The following FMO1 variants were observed in gnomAD, a reference collection of about 807,000 sequenced individuals.
FMO1 encodes the protein flavin-containing monooxygenase 1.
Under a neutral mutation model 45.4 loss-of-function variants are expected in FMO1, and 36 were observed. The observed-to-expected ratio is 0.79, with a 90% confidence interval of 0.61 to 1.05. FMO1 has a LOEUF of 1.05. FMO1 is among the 50% of genes least tolerant of loss of function. The pLI is 0.00. For missense variants in FMO1, 615 were observed against 640.3 expected (o/e 0.96, Z 0.43); for synonymous variants, 228 against 227.2 (o/e 1.00, Z -0.03).
intron 2 of FMO1, among the ~76,000 whole-genome samples, chr1:171,262,713 T>C (rs1660426516): frequency 6.6e-6 from 1 of 152,252 alleles, no homozygotes; most frequent in South Asian, 2.1e-4. Context: ...CGTCTATTCG[T>C]ATATTCAATA....
chr1:171,256,114 A>C (rs954233111), intron 1 of FMO1, among the ~76,000 whole-genome samples: 8 of 151,958 alleles, frequency 5.3e-5, no homozygotes, highest in African/African-American at 1.9e-4. Context: ...TCTACTAAAA[A>C]TACAAAAAAT....
Position 171,282,077 on chromosome 1 carries a change from C to T in FMO1, c.927C>T (p.Asn309=). Residue 309 remains asparagine (N), a synonymous_variant, in exon 7 of 9, where the codon AAC becomes AAT. Coordinates refer to ENST00000617670, the MANE Select transcript of FMO1 (RefSeq NM_001282693.2). The part of the protein sequence containing the change: ...IRPSIKEVKE[N]SVIFNNTSKE... ...CAAGCATAAAAGAGGTAAAGGAAAA[C>T]TCTGTCATATTTAACAATACTTCAA... 4.3e-6 allele frequency: 7 copies of T among 1,613,568 alleles called. No homozygotes were observed. Among genetic ancestry groups the T allele is most frequent in the Non-Finnish European group, 5.9e-6 (7 of 1,179,578 alleles).
In FMO1 at chr1:171,267,654, G is replaced by A; in HGVS notation, c.244G>A (p.Val82Met). Residue 82 changes from valine (V) to methionine (M), a missense_variant, in exon 3 of 9, where the codon GTG becomes ATG. Transcript: ENST00000617670. ...FPFPEDYPNY[V>M]PNSQFLEYLK... The stretch of plus-strand genomic sequence containing the variant: ...ATTCCCAGAAGATTATCCAAACTAT[G>A]TGCCAAATTCTCAATTCCTGGAATA... 3 of 1,614,062 alleles carry A rather than the reference G, an allele frequency of 1.9e-6. No individual in the cohort carries two copies. The highest frequency in any genetic ancestry group is 2.5e-6 in the Non-Finnish European group (3 of 1,179,936).
At chr1:171,262,144 GAGA>G (rs1411744221) in intron 2 of FMO1, among the ~76,000 whole-genome samples, 5 of 152,158 alleles carry the variant, frequency 3.3e-5, no homozygotes, top group African/African-American at 1.2e-4. Context: ...TAGAAAAATA[GAGA>G]AGGTCAGCCA....
rs72417662 is a variant in FMO1, at chr1:171,249,686, A to AGT, written c.-7+1078_-7+1079dup. Reference sequence around the variant, plus strand: ...GTATTTTCATGCACTAAGGTGTAGGAGTGTGTGTGTGTGTGTATGTGTGTG... The same window carrying AGT: ...GTATTTTCATGCACTAAGGTGTAGGAGTGTGTGTGTGTGTGTGTATGTGTGTG... On this transcript the variant is annotated intron_variant, in intron 1 of 8. Coordinates refer to ENST00000617670, the MANE Select transcript of FMO1 (RefSeq NM_001282693.2). Among the ~76,000 whole-genome samples the AGT allele has an allele frequency of 5.6e-3, 840 of 150,718 alleles. 2 individuals carry two copies. Among genetic ancestry groups the AGT allele is most frequent in the African/African-American group, 0.012 (497 of 41,068 alleles).
intron 2 of FMO1, among the ~76,000 whole-genome samples, chr1:171,261,445 C>T (rs942111252): frequency 1.3e-5 from 2 of 152,160 alleles, no homozygotes; most frequent in African/African-American, 4.8e-5. Flanking sequence ...AGAAAGTGTT[C>T]AGAAGGGAAT....
chr1:171,250,131 A>G (rs547340071), intron 1 of FMO1, among the ~76,000 whole-genome samples: 1 of 152,342 alleles, frequency 6.6e-6, no homozygotes, highest in East Asian at 1.9e-4. Flanking sequence ...AAGAAAAATA[A>G]TATTTTTATT....
At chr1:171,256,433 C>G (rs1207943744) in intron 1 of FMO1, among the ~76,000 whole-genome samples, 2 of 152,076 alleles carry the variant, frequency 1.3e-5, no homozygotes, top group Non-Finnish European at 2.9e-5. Flanking sequence ...CCATACTTCA[C>G]AACTGCCTCT....
Position 171,278,840 on chromosome 1 carries a change from T to C in FMO1, c.596T>C (p.Ile199Thr). Reference sequence around the variant, plus strand: ...GGAATGGGAAATTCTGGCACAGACATTGCTGTGGAGGCCAGCCACCTGGCG... The same window carrying C: ...GGAATGGGAAATTCTGGCACAGACACTGCTGTGGAGGCCAGCCACCTGGCG... ...VIGMGNSGTD[I>T]AVEASHLAEK... The change falls in exon 5 of 9, where the codon ATT (isoleucine) becomes ACT (threonine). Residue 199 changes from isoleucine (I) to threonine (T), a missense_variant. Physicochemically the swap from Ile to Thr is moderately conservative, Grantham distance 89. Transcript: ENST00000617670. The C allele has an allele frequency of 6.2e-7, 1 of 1,612,536 alleles. No homozygotes were observed. The highest frequency in any genetic ancestry group is 8.5e-7 in the Non-Finnish European group (1 of 1,178,958).
chr1:171,275,651 G>GTT, intron 4 of FMO1, 143 bp downstream of exon 4: 1 of 593,832 alleles, frequency 1.7e-6, no homozygotes, highest in South Asian at 3.0e-5. Flanking sequence ...GTTTTGTTTT[G>GTT]TTTTTTTCTA....
Position 171,283,136 on chromosome 1 carries a change from T to G in FMO1, c.1184-8T>G. 6.8e-7 allele frequency: 1 copy of G among 1,479,262 alleles called. No homozygotes were observed. Among genetic ancestry groups the G allele is most frequent in the Non-Finnish European group, 9.4e-7 (1 of 1,068,872 alleles). The allele number at this position is 1,479,262 out of a possible 1,614,324, so 91.6% of individuals were successfully genotyped here. On this transcript the variant is annotated splice_polypyrimidine_tract_variant and splice_region_variant and intron_variant, in intron 7 of 8. Transcript: ENST00000617670. Reference sequence around the variant, plus strand: ...GTTGCATTTGAGGTTTTTATTTTAATCCTACAGGTGTAAATAAGTTACCAC... The same window carrying G: ...GTTGCATTTGAGGTTTTTATTTTAAGCCTACAGGTGTAAATAAGTTACCAC...
chr1:171,260,185 G>A (rs1034633280), intron 2 of FMO1, among the ~76,000 whole-genome samples: 2 of 152,158 alleles, frequency 1.3e-5, no homozygotes, highest in Non-Finnish European at 1.5e-5. Flanking sequence ...GGAAAAGGGT[G>A]GCTGCATGTT....
intron 1 of FMO1, among the ~76,000 whole-genome samples, chr1:171,250,303 C>T (rs1233804432): frequency 6.6e-6 from 1 of 152,176 alleles, no homozygotes; most frequent in Admixed American, 6.5e-5. Context: ...GTCAAACACC[C>T]AGCTTTGCAA....
intron 4 of FMO1, 137 bp downstream of exon 4, chr1:171,275,645 T>G: frequency 1.6e-6 from 1 of 630,094 alleles, no homozygotes; most frequent in Admixed American, 3.4e-5. Context: ...TTTTTTGTTT[T>G]GTTTTGTTTT....
At chr1:171,259,652 A>T (rs1367703990) in intron 2 of FMO1, among the ~76,000 whole-genome samples, 2 of 152,248 alleles carry the variant, frequency 1.3e-5, no homozygotes, top group African/African-American at 4.8e-5. Context: ...GTCAAAACAA[A>T]AACTAAACCT....
chr1:171,283,156 T>G lies in FMO1; in HGVS notation c.1196T>G (p.Leu399Ter), dbSNP rs1469005242. Residue 399 changes from leucine to a stop codon, truncating the protein, a stop_gained, in exon 8 of 9, where the codon TTA becomes TGA. Coordinates refer to ENST00000617670, the MANE Select transcript of FMO1 (RefSeq NM_001282693.2). LOFTEE classifies it high-confidence loss of function. ...AVRVLKGVNK[L>*]PPPSVMIEEI... ...TTTAATCCTACAGGTGTAAATAAGT[T>G]ACCACCACCAAGTGTCATGATAGAG... 1.3e-6 allele frequency: 2 copies of G among 1,572,908 alleles called. No homozygotes were observed. The highest frequency in any genetic ancestry group is 2.3e-5 in the East Asian group (1 of 43,556).
chr1:171,270,984 A>G (rs1411618883), intron 3 of FMO1: 15 of 898,090 alleles, frequency 1.7e-5, no homozygotes, highest in Admixed American at 4.1e-5. Flanking sequence ...CATCTTCTTC[A>G]TCTACCTCCT....
intron 5 of FMO1, among the ~76,000 whole-genome samples, chr1:171,279,843 T>G (rs929201898): frequency 6.6e-6 from 1 of 152,212 alleles, no homozygotes; most frequent in Non-Finnish European, 1.5e-5. Flanking sequence ...TTCTGTTTCT[T>G]GCATGATAAT....
In FMO1 at chr1:171,282,333, G is replaced by T; in HGVS notation, c.1183G>T (p.Gly395Cys). The T allele has an allele frequency of 6.2e-7, 1 of 1,600,230 alleles. No individual in the cohort carries two copies. The highest frequency in any genetic ancestry group is 8.5e-7 in the Non-Finnish European group (1 of 1,170,014). The change falls in exon 7 of 9, where the codon GGT (glycine) becomes TGT (cysteine). Residue 395 changes from glycine to cysteine, a missense_variant and splice_region_variant. Transcript: ENST00000617670. ...TCGGTGGGCTGTTCGAGTCCTGAAAGGTAAGTATAAGAAATAGCAGGGCAT... is the reference window on the plus strand; with the variant it reads ...TCGGTGGGCTGTTCGAGTCCTGAAATGTAAGTATAAGAAATAGCAGGGCAT... ...QARWAVRVLKGVNKLPPPSVM... is the reference protein window; with the variant it reads ...QARWAVRVLKCVNKLPPPSVM...
Sources: allele counts gnomAD v4.1 joint callset (sites outside exome capture counted in the v4.1 genomes callset), GRCh38; gene constraint gnomAD v4.1.1; transcripts MANE v1.5; gene names NCBI Gene and HGNC (gene_info 2026-07-23, HGNC 2026-07-21).